PMPCB: variants seen among roughly 807,000 people sequenced by gnomAD.
PMPCB encodes mitochondrial-processing peptidase subunit beta.
A neutral mutation model predicts 61.5 loss-of-function variants in PMPCB; 46 were observed. The ratio of observed to expected loss-of-function variants is 0.75; its 90% CI spans 0.59 to 0.96. The LOEUF (loss-of-function observed/expected upper bound fraction) is 0.96. Among genes scored for constraint, PMPCB ranks in the 40% least tolerant of loss-of-function variants. PMPCB has a pLI of 0.00. For missense variants in PMPCB, 590 were observed against 602.4 expected, an observed-to-expected ratio of 0.98 and a Z score of 0.22; for synonymous variants, 191 against 201.6, an observed-to-expected ratio of 0.95 and a Z score of 0.44.
the PMPCB span, among the ~76,000 whole-genome samples, chr7:103,346,458 G>A: frequency 6.5e-4 from 99 of 152,254 alleles, 3 homozygotes; most frequent in Admixed American, 6.0e-3. Flanking sequence ...AAAAAATTGT[G>A]CTAAAACACA....
At position 103,310,368 on chromosome 7, in the gene PMPCB, C is replaced by G; in HGVS notation, c.1047C>G (p.Ser349Arg). The change falls in exon 9 of 13, where the codon AGC becomes AGG. Residue 349 changes from serine (S) to arginine (R), a missense_variant. Transcript: ENST00000249269. ...QLTCHGNLCHSFQSFNTSYTD... is the reference protein window; with the variant it reads ...QLTCHGNLCHRFQSFNTSYTD... ...CTTGTCATGGCAATCTTTGCCATAG[C>G]TTTCAGTCTTTCAACACTTCCTACA... 1 of 1,613,572 alleles carries G rather than the reference C, an allele frequency of 6.2e-7. No homozygotes were observed. The highest frequency in any genetic ancestry group is 1.1e-5 in the South Asian group (1 of 91,068).
chr7:103,304,116 A>C, intron 5 of PMPCB, 76 bp downstream of exon 5: 1 of 1,179,422 alleles, frequency 8.5e-7, no homozygotes, highest in South Asian at 1.4e-5. Context: ...ATTTTCAAAA[A>C]GTATGTTTCA....
rs573719663 is a variant in PMPCB, at chr7:103,305,979, A to T, written c.736+1489A>T. On this transcript the variant is annotated intron_variant, in intron 6 of 12. Transcript: ENST00000249269. Reference sequence around the variant, plus strand: ...CTTTGGTTCATGGGTTCATTTTGACATAGCTAAAATTGAGATATCTTTAGT... The same window carrying T: ...CTTTGGTTCATGGGTTCATTTTGACTTAGCTAAAATTGAGATATCTTTAGT... Among the ~76,000 whole-genome samples the T allele has an allele frequency of 5.4e-4, 83 of 152,350 alleles. No homozygotes were observed. In the South Asian group the frequency reaches 0.017, roughly 31 times the overall value.
intron 4 of PMPCB, 63 bp downstream of exon 4, chr7:103,300,370 C>T: frequency 7.7e-7 from 1 of 1,306,998 alleles, no homozygotes; most frequent in East Asian, 2.4e-5. Flanking sequence ...TTATTTAGTA[C>T]TATTTTTATT....
At chr7:103,347,476 C>T in the PMPCB span, 1 of 449,566 alleles carries the variant, frequency 2.2e-6, no homozygotes, top group Non-Finnish European at 4.1e-6. Flanking sequence ...CTTATTGTGT[C>T]TAATATGCCA....
chr7:103,327,145 C>T (rs1818749569), intron 12 of PMPCB, among the ~76,000 whole-genome samples: 1 of 152,110 alleles, frequency 6.6e-6, no homozygotes, highest in African/African-American at 2.4e-5. Flanking sequence ...TGGTAACCTA[C>T]ATTAATTTGC....
chr7:103,297,454 G>A lies in PMPCB; in HGVS notation c.-6G>A. On this transcript the variant is annotated 5_prime_UTR_variant, in exon 1 of 13. Transcript: ENST00000249269. ...TCCTTCATCCTCTACCTTCCTTCTA[G>A]CAGAAATGGCGGCTGCGGCGGCTCG... 1 of 1,544,506 alleles carries A rather than the reference G, an allele frequency of 6.5e-7. No individual in the cohort carries two copies. The highest frequency in any genetic ancestry group is 8.7e-7 in the Non-Finnish European group (1 of 1,145,026).
At chr7:103,323,932 T>C (rs542834435) in intron 12 of PMPCB, among the ~76,000 whole-genome samples, 1 of 152,338 alleles carries the variant, frequency 6.6e-6, no homozygotes, top group South Asian at 2.1e-4. Context: ...AAGTTTTCCT[T>C]GCCTTCAATT....
At chr7:103,346,582 T>A in the PMPCB span, among the ~76,000 whole-genome samples, 1 of 152,250 alleles carries the variant, frequency 6.6e-6, no homozygotes, top group Non-Finnish European at 1.5e-5. Flanking sequence ...AAACTGAAAC[T>A]CTATACCCAT....
Position 103,312,572 on chromosome 7 carries a change from T to C in PMPCB, c.*301T>C, listed in dbSNP as rs1327723064. On this transcript the variant is annotated 3_prime_UTR_variant, in exon 13 of 13. Transcript: ENST00000249269. ...AATGCACACACAACAAAGATTGTCA[T>C]TTCTTGGCTCTACTTGCATTCAGCA... 6.2e-7 allele frequency: 1 copy of C among 1,611,680 alleles called. No individual in the cohort carries two copies. Among genetic ancestry groups the C allele is most frequent in the Non-Finnish European group, 8.5e-7 (1 of 1,179,350 alleles).
At chr7:103,297,638 A>T in intron 1 of PMPCB, 80 bp downstream of exon 1, 1 of 1,588,394 alleles carries the variant, frequency 6.3e-7, no homozygotes, top group Non-Finnish European at 8.6e-7. Flanking sequence ...GGCGCCACAG[A>T]TCCGAACAGT....
intron 4 of PMPCB, 92 bp downstream of exon 4, chr7:103,300,399 T>G: frequency 9.6e-7 from 1 of 1,045,708 alleles, no homozygotes; most frequent in Admixed American, 2.7e-5. Context: ...TGTAAAAGAG[T>G]AAGTTCCAGA....
chr7:103,315,169 A>AT (rs35425130), downstream of PMPCB, among the ~76,000 whole-genome samples: 4,536 of 146,820 alleles, frequency 0.031, 85 homozygotes, highest in Non-Finnish European at 0.035. Flanking sequence ...AAACCCTAAC[A>AT]TTTTTTTTTT....
chr7:103,332,389 C>CT (rs201263367), downstream of PMPCB, among the ~76,000 whole-genome samples: 1,267 of 152,226 alleles, frequency 8.3e-3, 7 homozygotes, highest in Non-Finnish European at 0.015. Context: ...TTTGGGCTCT[C>CT]TTTGCTAGGT....
chr7:103,298,736 G>C (rs1817364393), intron 2 of PMPCB, 28 bp downstream of exon 2: 1 of 1,599,084 alleles, frequency 6.3e-7, no homozygotes, highest in Non-Finnish European at 8.5e-7. Context: ...CCTTCTCTAA[G>C]TGACCCTTCA....
downstream of PMPCB, among the ~76,000 whole-genome samples, chr7:103,330,381 C>A (rs543604472): frequency 1.3e-5 from 2 of 151,958 alleles, no homozygotes; most frequent in African/African-American, 2.4e-5. Flanking sequence ...TTAACCTCCC[C>A]GGCTCAGGTG....
downstream of PMPCB, chr7:103,315,903 GATC>G (rs747542827): frequency 8.4e-6 from 13 of 1,552,378 alleles, no homozygotes; most frequent in Admixed American, 3.5e-5. Flanking sequence ...ATACTTAACA[GATC>G]ATCATTTAAT....
Position 103,297,552 on chromosome 7 carries a change from G to C in PMPCB, c.93G>C (p.Ala31=), listed in dbSNP as rs377745284. 3 of 1,610,492 alleles carry C rather than the reference G, an allele frequency of 1.9e-6. No homozygotes were observed. The highest frequency in any genetic ancestry group is 2.5e-6 in the Non-Finnish European group (3 of 1,177,928). The part of the protein sequence containing the change: ...FSESLLIRGA[A]GRSLYFGENR... ...AGAGTCTTCTAATCCGAGGCGCTGC[G>C]GGACGGGTGAGCTTCCCTCCAGGCC... The change falls in exon 1 of 13, where the codon GCG becomes GCC. Residue 31 remains alanine (A), a synonymous_variant. Coordinates refer to ENST00000249269, the MANE Select transcript of PMPCB (RefSeq NM_004279.3).
At chr7:103,330,964 AT>A (rs1040881184), downstream of PMPCB, among the ~76,000 whole-genome samples, 83 of 139,084 alleles carry the variant, frequency 6.0e-4, 1 homozygote, top group East Asian at 1.1e-3. Flanking sequence ...AACAAAATCC[AT>A]TTTTTTTTTT....
Sources: allele counts gnomAD v4.1 joint callset (sites outside exome capture counted in the v4.1 genomes callset), GRCh38; gene constraint gnomAD v4.1.1; transcripts MANE v1.5; gene names NCBI Gene and HGNC (gene_info 2026-07-23, HGNC 2026-07-21).